Variants in CACNA2D1 observed in about 807,000 individuals in gnomAD.
The protein encoded by CACNA2D1 is calcium voltage-gated channel auxiliary subunit alpha2delta 1.
Under a neutral mutation model 171.5 loss-of-function variants are expected in CACNA2D1, and 53 were observed. The ratio of observed to expected loss-of-function variants is 0.31; its 90% CI spans 0.25 to 0.39. CACNA2D1 has a LOEUF of 0.39. CACNA2D1 is among the 10% of genes least tolerant of loss of function. The pLI is 1.00. For synonymous variants in CACNA2D1, 442 were observed against 443.1 expected, an observed-to-expected ratio of 1.00 and a Z score of 0.03; for missense variants, 903 against 1,299.8, an observed-to-expected ratio of 0.69 and a Z score of 4.69.
intron 38 of CACNA2D1, among the ~76,000 whole-genome samples, chr7:81,951,407 A>G (rs928475988): frequency 6.6e-6 from 1 of 151,884 alleles, no homozygotes; most frequent in Non-Finnish European, 1.5e-5. Flanking sequence ...TACATGGATA[A>G]TTCTTTAGTG....
chr7:82,097,760 T>C (rs1464875208), intron 6 of CACNA2D1, among the ~76,000 whole-genome samples: 2 of 152,136 alleles, frequency 1.3e-5, no homozygotes, highest in African/African-American at 4.8e-5. Context: ...ATTCAAAATA[T>C]TGCTTGACTA....
chr7:82,438,062 T>A (rs904039639), intron 1 of CACNA2D1, among the ~76,000 whole-genome samples: 1 of 152,192 alleles, frequency 6.6e-6, no homozygotes, highest in Non-Finnish European at 1.5e-5. Flanking sequence ...ATCACTTTTT[T>A]AATTACTTGT....
At chr7:82,037,145 A>G (rs1562903785) in intron 11 of CACNA2D1, among the ~76,000 whole-genome samples, 1 of 152,204 alleles carries the variant, frequency 6.6e-6, no homozygotes, top group Non-Finnish European at 1.5e-5. Context: ...AGTGAAATAG[A>G]GGGCAAGGCA....
intron 3 of CACNA2D1, among the ~76,000 whole-genome samples, chr7:82,295,597 C>A (rs1478101860): frequency 6.6e-6 from 1 of 151,876 alleles, no homozygotes; most frequent in South Asian, 2.1e-4. Flanking sequence ...CTCAAGCGAT[C>A]CTCCCATCTC....
intron 6 of CACNA2D1, among the ~76,000 whole-genome samples, chr7:82,100,622 T>A (rs1273259770): frequency 6.6e-6 from 1 of 152,164 alleles, no homozygotes. Context: ...TTATCTGGAA[T>A]TTGAATCAAT....
chr7:82,072,507 G>A (rs971480618), intron 7 of CACNA2D1, among the ~76,000 whole-genome samples: 1 of 151,626 alleles, frequency 6.6e-6, no homozygotes, highest in African/African-American at 2.4e-5. Context: ...CAAGTAATCA[G>A]TTACTTTTGA....
At chr7:82,138,449 G>GTTTTTTT (rs5885271) in intron 4 of CACNA2D1, among the ~76,000 whole-genome samples, 1 of 101,584 alleles carries the variant, frequency 9.8e-6, no homozygotes, top group African/African-American at 3.6e-5. Flanking sequence ...TGTTTTTTTT[G>GTTTTTTT]TTTTTTTTTT....
chr7:82,367,315 T>C (rs997076869), intron 1 of CACNA2D1, among the ~76,000 whole-genome samples: 10 of 152,122 alleles, frequency 6.6e-5, no homozygotes, highest in Non-Finnish European at 1.2e-4. Context: ...GTTTTTTGTA[T>C]GCTTGGTGGC....
At chr7:82,277,750 A>T (rs77173215) in intron 3 of CACNA2D1, among the ~76,000 whole-genome samples, 44,044 of 138,638 alleles carry the variant, frequency 0.32, 7,075 homozygotes, top group African/African-American at 0.34. Flanking sequence ...TTTTACTTTT[A>T]TTTTTTTTTT....
At chr7:82,085,911 G>T (rs1365379082) in intron 6 of CACNA2D1, among the ~76,000 whole-genome samples, 2 of 152,076 alleles carry the variant, frequency 1.3e-5, no homozygotes, top group Non-Finnish European at 2.9e-5. Context: ...ATTTATAACT[G>T]ACCCTTCATG....
At chr7:82,166,662 T>C (rs918379213) in intron 4 of CACNA2D1, among the ~76,000 whole-genome samples, 2 of 152,034 alleles carry the variant, frequency 1.3e-5, no homozygotes, top group Admixed American at 1.3e-4. Context: ...CTGCCCTTAA[T>C]AGAATAATTT....
At chr7:82,414,614 G>C (rs1827992463) in intron 1 of CACNA2D1, among the ~76,000 whole-genome samples, 1 of 152,194 alleles carries the variant, frequency 6.6e-6, no homozygotes, top group Admixed American at 6.5e-5. Flanking sequence ...TAAACATAGT[G>C]TCAAGTCCTG....
intron 4 of CACNA2D1, among the ~76,000 whole-genome samples, chr7:82,150,275 A>G (rs1268723237): frequency 1.6e-5 from 1 of 64,054 alleles, no homozygotes; most frequent in African/African-American, 7.3e-5. Context: ...AAAAACAAAA[A>G]CAACAACAAA....
At chr7:82,223,723 C>T (rs78961640) in intron 3 of CACNA2D1, among the ~76,000 whole-genome samples, 1,800 of 152,298 alleles carry the variant, frequency 0.012, 31 homozygotes, top group African/African-American at 0.041. Flanking sequence ...CTCACTTAAA[C>T]CGCTGCAATA....
intron 6 of CACNA2D1, among the ~76,000 whole-genome samples, chr7:82,089,866 G>C (rs1053147635): frequency 6.6e-5 from 10 of 152,174 alleles, no homozygotes; most frequent in African/African-American, 2.4e-4. Context: ...TTTGTATTAA[G>C]TTTGAATACA....
rs1331086426 is a variant in CACNA2D1, at chr7:82,146,408, T to A, written c.355-9732A>T. Reference sequence around the variant, plus strand: ...TATTTATATATATAAAGATATATATTTATATATATCTTTACATATACATAT... The same window carrying A: ...TATTTATATATATAAAGATATATATATATATATATCTTTACATATACATAT... On this transcript the variant is annotated intron_variant, in intron 4 of 38. Transcript: ENST00000356860. Among the ~76,000 whole-genome samples the A allele has an allele frequency of 2.1e-5, 3 of 143,820 alleles. No homozygotes were observed. The South Asian group carries it at 6.4e-4, about 31-fold the overall frequency. The allele number at this position is 143,820 out of a possible 152,430, so 94.4% of individuals were successfully genotyped here.
At chr7:82,302,191 G>A (rs1210700011) in intron 3 of CACNA2D1, among the ~76,000 whole-genome samples, 1 of 151,926 alleles carries the variant, frequency 6.6e-6, no homozygotes, top group East Asian at 1.9e-4. Context: ...TAGATTTTGG[G>A]GGTTTTTGGT....
At chr7:81,958,556 T>C (rs1301054112) in intron 38 of CACNA2D1, among the ~76,000 whole-genome samples, 1 of 151,848 alleles carries the variant, frequency 6.6e-6, no homozygotes, top group East Asian at 1.9e-4. Flanking sequence ...ACTGATGACA[T>C]ATTACCTACC....
At chr7:82,289,392 A>C (rs1262017365) in intron 3 of CACNA2D1, among the ~76,000 whole-genome samples, 1 of 152,188 alleles carries the variant, frequency 6.6e-6, no homozygotes, top group Non-Finnish European at 1.5e-5. Flanking sequence ...ACAATGAACA[A>C]GATGAATTAT....
Sources: gnomAD v4.1 joint callset for allele counts (sites outside exome capture counted in the v4.1 genomes callset) on GRCh38, gnomAD v4.1.1 for gene constraint, MANE v1.5 for transcripts, NCBI Gene and HGNC (gene_info 2026-07-23, HGNC 2026-07-21) for gene names.